Variants in RAB35 observed in about 807,000 individuals in gnomAD.
RAB35 encodes ras-related protein Rab-35.
RAB35 carries 4 observed loss-of-function variants against 28.9 expected under a neutral mutation model. The observed-to-expected ratio is 0.14, with a 90% CI of 0.07 to 0.32. The LOEUF (loss-of-function observed/expected upper bound fraction) is 0.32, where lower values mean the gene tolerates loss of function less well. Ranked by LOEUF, RAB35 falls within the 10% of genes least tolerant of loss-of-function variation. RAB35 has a pLI of 1.00. For synonymous variants in RAB35, 99 were observed against 105.1 expected (o/e 0.94, Z 0.35); for missense variants, 128 against 274.0 (o/e 0.47, Z 3.76).
chr12:120,105,602 G>A (rs10732609), intron 2 of RAB35, among the ~76,000 whole-genome samples: 129,455 of 152,086 alleles, frequency 0.85, 55,511 homozygotes, highest in East Asian at 0.98. Flanking sequence ...AACATCCTTC[G>A]ACACGCAGGA....
At chr12:120,115,737 T>C (rs1216436356) in intron 1 of RAB35, among the ~76,000 whole-genome samples, 1 of 152,240 alleles carries the variant, frequency 6.6e-6, no homozygotes, top group Non-Finnish European at 1.5e-5. Flanking sequence ...CTAGGAGCCC[T>C]CAAGCAGTGT....
chr12:120,096,466 T>C lies in RAB35; in HGVS notation c.*779A>G. 7.8e-7 allele frequency: 1 copy of C among 1,289,782 alleles called. No individual in the cohort carries two copies. Among genetic ancestry groups the C allele is most frequent in the Non-Finnish European group, 1.0e-6 (1 of 988,876 alleles). 79.9% of individuals were successfully genotyped at this position (1,289,782 alleles called of 1,614,324 possible). A position where few individuals can be genotyped will look rare whatever the true frequency, so the allele number is the denominator to read the frequency against. On this transcript the variant is annotated 3_prime_UTR_variant, in exon 6 of 6. Transcript: ENST00000229340. ...TGCCAGCCCCATCTCTGCACGAACC[T>C]ACCCCGACCTTTCTGTTGGAACTGA... is the stretch of plus-strand genomic sequence containing the variant.
chr12:120,101,110 G>A (rs1197515404), intron 3 of RAB35, among the ~76,000 whole-genome samples: 1 of 152,256 alleles, frequency 6.6e-6, no homozygotes, highest in Non-Finnish European at 1.5e-5. Flanking sequence ...GAAGTCAGGG[G>A]CTCAGAGCTC....
chr12:120,100,641 C>T (rs1407085605), intron 3 of RAB35, among the ~76,000 whole-genome samples: 1 of 152,118 alleles, frequency 6.6e-6, no homozygotes, highest in Non-Finnish European at 1.5e-5. Context: ...CCCCTGCCAC[C>T]GCCCCTGCCC....
At chr12:120,098,966 T>C in intron 4 of RAB35, 31 bp from the exon 5 acceptor site, 1 of 1,614,078 alleles carries the variant, frequency 6.2e-7, no homozygotes, top group Non-Finnish European at 8.5e-7. Flanking sequence ...AGCGCAGCCC[T>C]GAGGGGCGCA....
chr12:120,099,264 C>G (rs533210082), intron 3 of RAB35, 110 bp from the exon 4 acceptor site: 2 of 1,425,290 alleles, frequency 1.4e-6, no homozygotes, highest in African/African-American at 2.8e-5. Flanking sequence ...GAGGGTGGCC[C>G]TGGAGCCTGG....
Position 120,106,088 on chromosome 12 carries a change from G to A in RAB35, c.104-2139C>T, listed in dbSNP as rs553380607. On this transcript the variant is annotated intron_variant, in intron 2 of 5. Coordinates refer to ENST00000229340, the MANE Select transcript of RAB35 (RefSeq NM_006861.7). ...CGGTTCAGGGTGGGTAGGGGTTGCC[G>A]TAATGCTTCCAGGTAGAACCAACAG... Among the ~76,000 whole-genome samples, 8 of 152,216 alleles carry A rather than the reference G, an allele frequency of 5.3e-5. No individual in the cohort carries two copies. In the East Asian group the frequency reaches 1.4e-3, roughly 26 times the overall value.
chr12:120,111,810 T>G (rs73410870), intron 1 of RAB35, among the ~76,000 whole-genome samples: 1 of 151,752 alleles, frequency 6.6e-6, no homozygotes, highest in African/African-American at 2.4e-5. Context: ...CAAGAAACAC[T>G]ACCTCCTAAA....
At chr12:120,111,403 C>A (rs991027509) in intron 1 of RAB35, among the ~76,000 whole-genome samples, 2 of 152,106 alleles carry the variant, frequency 1.3e-5, no homozygotes, top group African/African-American at 2.4e-5. Flanking sequence ...CTAGGCTGGC[C>A]AGGCGCAGTG....
At chr12:120,116,511 G>C (rs2139066977) in intron 1 of RAB35, 88 bp downstream of exon 1, 12 of 767,132 alleles carry the variant, frequency 1.6e-5, no homozygotes, top group African/African-American at 1.9e-5. Flanking sequence ...CGCACGGGCC[G>C]GCACCTCCCC....
intron 3 of RAB35, 75 bp from the exon 4 acceptor site, chr12:120,099,229 G>A (rs933463175): frequency 1.0e-5 from 16 of 1,585,372 alleles, no homozygotes; most frequent in Middle Eastern, 1.7e-4. Flanking sequence ...ACCTGCCCAC[G>A]TCAGGACACT....
At chr12:120,099,499 T>G in intron 3 of RAB35, 1 of 340,170 alleles carries the variant, frequency 2.9e-6, no homozygotes, top group South Asian at 4.3e-5. Context: ...ATCAGGCAGT[T>G]TTTGTATTTG....
chr12:120,099,306 G>A (rs1163056397), intron 3 of RAB35, 152 bp from the exon 4 acceptor site: 13 of 942,992 alleles, frequency 1.4e-5, no homozygotes, highest in Non-Finnish European at 1.9e-5. Flanking sequence ...ATGCCCCCGA[G>A]CCACAACAGG....
intron 1 of RAB35, among the ~76,000 whole-genome samples, chr12:120,110,680 A>G (rs1876081965): frequency 6.6e-6 from 1 of 152,154 alleles, no homozygotes; most frequent in South Asian, 2.1e-4. Flanking sequence ...TCTCTGGGCA[A>G]TCCTCTAAAG....
chr12:120,102,891 C>A (rs1487502084), intron 3 of RAB35, among the ~76,000 whole-genome samples: 1 of 152,212 alleles, frequency 6.6e-6, no homozygotes, highest in Admixed American at 6.5e-5. Flanking sequence ...TCACTCTGCA[C>A]AGGCCACTGT....
rs184185449 is a variant in RAB35, at chr12:120,099,245, G to A, written c.228-91C>T. On this transcript the variant is annotated intron_variant, in intron 3 of 5. Coordinates refer to ENST00000229340, the MANE Select transcript of RAB35 (RefSeq NM_006861.7). Reference sequence around the variant, plus strand: ...CCTGCCCACGTCAGGACACTGACCCGGAAAAGGTGAGGGTGGCCCTGGAGC... The same window carrying A: ...CCTGCCCACGTCAGGACACTGACCCAGAAAAGGTGAGGGTGGCCCTGGAGC... 6.3e-3 allele frequency: 9,749 copies of A among 1,540,310 alleles called. 67 individuals are homozygous for A. The highest frequency in any genetic ancestry group is 7.6e-3 in the Non-Finnish European group (8,650 of 1,134,470).
intron 1 of RAB35, among the ~76,000 whole-genome samples, chr12:120,115,130 T>C (rs530516261): frequency 1.6e-4 from 25 of 152,098 alleles, no homozygotes; most frequent in African/African-American, 4.6e-4. Flanking sequence ...TACTCTTCCA[T>C]CTCCCTGGTT....
rs148026831 is a variant in RAB35 at position 120,096,982 on chromosome 12, C to A, written c.*263G>T. The A allele has an allele frequency of 0.011, 15,881 of 1,474,458 alleles. 302 individuals carry two copies. The highest frequency in any genetic ancestry group is 0.069 in the Middle Eastern group (394 of 5,712). 91.3% of individuals were successfully genotyped at this position (1,474,458 alleles called of 1,614,324 possible). On this transcript the variant is annotated 3_prime_UTR_variant, in exon 6 of 6. Transcript: ENST00000229340. ...TGTACAGACTCTGCGAATCAGTCCG[C>A]TCGGCGGGCAGCGTCCTCGCCAGGT...
intron 1 of RAB35, 143 bp downstream of exon 1, chr12:120,116,456 G>T: frequency 4.1e-6 from 2 of 493,144 alleles, no homozygotes; most frequent in Non-Finnish European, 5.2e-6. Context: ...GCCCCTCGGC[G>T]CACCCCTGGG....
Sources: allele counts gnomAD v4.1 joint callset (sites outside exome capture counted in the v4.1 genomes callset), GRCh38; gene constraint gnomAD v4.1.1; transcripts MANE v1.5; gene names NCBI Gene and HGNC (gene_info 2026-07-23, HGNC 2026-07-21).